The following SHOX variants were observed in gnomAD, a reference collection of about 807,000 sequenced individuals.
SHOX encodes short stature homeobox protein.
In SHOX, 12 loss-of-function variants were observed where a neutral mutation model predicts 29.6. The ratio of observed to expected loss-of-function variants is 0.41; its 90% CI spans 0.26 to 0.66. SHOX has a LOEUF of 0.66. Ranked by LOEUF, SHOX falls within the 30% of genes least tolerant of loss-of-function variation. The pLI, the probability that SHOX is intolerant of heterozygous loss-of-function variation, is 0.35. For synonymous variants in SHOX, 214 were observed against 200.6 expected, an observed-to-expected ratio of 1.07 and a Z score of -0.57; for missense variants, 499 against 437.7, an observed-to-expected ratio of 1.14 and a Z score of -1.25.
exon 1 of SHOX, chrX:624,425 C>G (rs1255398622): frequency 6.6e-6 from 1 of 151,294 alleles, no homozygotes; most frequent in Non-Finnish European, 1.5e-5. Flanking sequence ...CGTTTCCGCG[C>G]GTCTCTTTCT....
At chrX:631,901 C>T (rs751148940) in intron 1 of SHOX, 4 of 456,082 alleles carry the variant, frequency 8.8e-6, no homozygotes, top group South Asian at 4.6e-5. Context: ...GTCACCCAGA[C>T]GCACAGAGGA....
rs1466513335 is a variant in SHOX at position 624,922 on chromosome X, CTTTCTTTCT to C, written c.-433+332_-433+340del. The stretch of plus-strand genomic sequence containing the variant: ...TCTTTCTCTCTTCCTTTCTTTCTTT[CTTTCTTTCT>C]TTTCTTTCTTTCACTTGGCAAGATT... On this transcript the variant is annotated intron_variant, in intron 1 of 5. Transcript: ENST00000334060. Among the ~76,000 whole-genome samples the C allele has an allele frequency of 1.8e-3, 181 of 99,176 alleles. 3 individuals carry two copies. In the South Asian group the frequency reaches 0.026, roughly 14 times the overall value. 65.1% of individuals were successfully genotyped at this position (99,176 alleles called of 152,430 possible). A position where few individuals can be genotyped will look rare whatever the true frequency, so the allele number is the denominator to read the frequency against.
chrX:628,191 TTCTC>T (rs903031532), upstream of SHOX, among the ~76,000 whole-genome samples: 3 of 147,600 alleles, frequency 2.0e-5, no homozygotes, highest in Admixed American at 6.7e-5. Context: ...GTTTCTCTCT[TTCTC>T]TCTCCCTCTC....
Position 644,737 on chromosome X carries a change from C to T in SHOX, c.*101C>T. The T allele has an allele frequency of 7.6e-7, 1 of 1,323,588 alleles. No individual in the cohort carries two copies. The highest frequency in any genetic ancestry group is 9.6e-7 in the Non-Finnish European group (1 of 1,038,172). The allele number at this position is 1,323,588 out of a possible 1,614,324, so 82.0% of individuals were successfully genotyped here. Reference sequence around the variant, plus strand: ...ACCCCGCCTGGAGCTCCTTCCGCGGCCACCGTGCTCCGGGCACCCCGGGAG... The same window carrying T: ...ACCCCGCCTGGAGCTCCTTCCGCGGTCACCGTGCTCCGGGCACCCCGGGAG... On this transcript the variant is annotated 3_prime_UTR_variant, in exon 5 of 5. Transcript: ENST00000686671.
chrX:636,225 TA>T (rs1288250092), intron 2 of SHOX, among the ~76,000 whole-genome samples: 1 of 146,056 alleles, frequency 6.8e-6, no homozygotes, highest in African/African-American at 2.5e-5. Context: ...AACACATATA[TA>T]ATATATAAAT....
chrX:650,705 C>T lies in SHOX; in HGVS notation c.*6069C>T, dbSNP rs775893850. On this transcript the variant is annotated 3_prime_UTR_variant, in exon 5 of 5. Transcript: ENST00000686671. ...GCAGCCACTCCCACGACACACATTT[C>T]GGAGGCACTTTGCTGGAAGCCGCTT... Among the ~76,000 whole-genome samples, 7 of 145,844 alleles carry T rather than the reference C, an allele frequency of 4.8e-5. No homozygotes were observed. Among genetic ancestry groups the T allele is most frequent in the Admixed American group, 2.1e-4 (3 of 14,148 alleles).
chrX:649,909 TTC>T lies in SHOX; in HGVS notation c.*5281_*5282del, dbSNP rs1422991607. 10 of 455,958 alleles carry T rather than the reference TTC, an allele frequency of 2.2e-5. No individual in the cohort carries two copies. In the East Asian group the frequency reaches 4.9e-4, roughly 22 times the overall value. The allele number at this position is 455,958 out of a possible 1,614,324, so 28.2% of individuals were successfully genotyped here. On this transcript the variant is annotated 3_prime_UTR_variant, in exon 5 of 5. Transcript: ENST00000686671. ...AAATCTGTTTCTGACATATCCACTT[TTC>T]TCTCTCTTTTCTCTCTCTCTGACTG... is the stretch of plus-strand genomic sequence containing the variant.
Position 649,600 on chromosome X carries a change from T to A in SHOX, c.*4964T>A, listed in dbSNP as rs748332055. ...TCCTGCTTTCCCTGTGGCTTCCCGG[T>A]GAGCTCGCTCGCAGAGCAAGGAATA... On this transcript the variant is annotated 3_prime_UTR_variant, in exon 5 of 5. Transcript: ENST00000686671. Among the ~76,000 whole-genome samples the A allele has an allele frequency of 6.6e-6, 1 of 152,260 alleles. No homozygotes were observed. The highest frequency in any genetic ancestry group is 1.9e-4 in the East Asian group (1 of 5,172).
chrX:648,752 A>G lies in SHOX; in HGVS notation c.*4116A>G, dbSNP rs1348328983. ...TTGGGTGACTTTCTGTAGGTGGATG[A>G]GTGATCCCTGAATGAGTGTGGGGTA... On this transcript the variant is annotated 3_prime_UTR_variant, in exon 5 of 5. Transcript: ENST00000686671. Among the ~76,000 whole-genome samples, 2 of 151,934 alleles carry G rather than the reference A, an allele frequency of 1.3e-5. No individual in the cohort carries two copies. The highest frequency in any genetic ancestry group is 2.9e-5 in the Non-Finnish European group (2 of 67,978).
exon 1 of SHOX, chrX:624,585 G>A (rs1351944613): frequency 2.0e-5 from 3 of 152,112 alleles, no homozygotes; most frequent in Non-Finnish European, 2.9e-5. Flanking sequence ...CGCGCTCGGG[G>A]CCTGCGCTCA....
chrX:658,713 G>C (rs74517255), intron 5 of SHOX: 7 of 285,280 alleles, frequency 2.5e-5, no homozygotes, highest in Non-Finnish European at 3.6e-5. Flanking sequence ...CTCATGATCC[G>C]TCCGCCTCAG....
chrX:653,178 T>C (rs975156925), downstream of SHOX, among the ~76,000 whole-genome samples: 10 of 151,990 alleles, frequency 6.6e-5, no homozygotes, highest in African/African-American at 2.4e-4. Context: ...GAGGCGGAGG[T>C]TGCACTGAGC....
At chrX:652,991 A>G (rs2053089207), downstream of SHOX, among the ~76,000 whole-genome samples, 1 of 152,150 alleles carries the variant, frequency 6.6e-6, no homozygotes, top group Non-Finnish European at 1.5e-5. Flanking sequence ...CTGTCATCCC[A>G]GCACTTTGGG....
chrX:631,388 G>A (rs1043100277), intron 1 of SHOX, among the ~76,000 whole-genome samples: 39 of 152,334 alleles, frequency 2.6e-4, no homozygotes, highest in Middle Eastern at 3.4e-3. Context: ...GGTGCGGGGG[G>A]ACCCAGGGAG....
downstream of SHOX, among the ~76,000 whole-genome samples, chrX:655,646 A>AC (rs2053136905): frequency 9.3e-6 from 1 of 107,962 alleles, no homozygotes; most frequent in Non-Finnish European, 2.0e-5. Flanking sequence ...ATATATATAT[A>AC]TATATATATA....
chrX:624,875 TTTCTTTCTTTC>T (rs1215766030), intron 1 of SHOX, among the ~76,000 whole-genome samples: 1 of 37,994 alleles, frequency 2.6e-5, no homozygotes, highest in African/African-American at 1.6e-4. Context: ...TCTTTCTTTC[TTTCTTTCTTTC>T]TTTCTTTCTT....
chrX:634,940 G>A lies in SHOX; in HGVS notation c.486+114G>A, dbSNP rs907791677. ...GCCGCCGCCGTCCCCTTCCCGGAGC[G>A]CGGGGAGGTTGGGTGAGGGACGGGC... On this transcript the variant is annotated intron_variant, in intron 2 of 4. Coordinates refer to ENST00000686671, the MANE Select transcript of SHOX (RefSeq NM_000451.4). 53 of 1,175,274 alleles carry A rather than the reference G, an allele frequency of 4.5e-5. 2 individuals are homozygous for A. In the Admixed American group the frequency reaches 1.3e-3, roughly 29 times the overall value. The allele number at this position is 1,175,274 out of a possible 1,614,324, so 72.8% of individuals were successfully genotyped here.
At chrX:633,295 CAGTT>C (rs1172579443) in intron 1 of SHOX, among the ~76,000 whole-genome samples, 9 of 152,156 alleles carry the variant, frequency 5.9e-5, no homozygotes, top group African/African-American at 2.2e-4. Flanking sequence ...ACCAGTTTGT[CAGTT>C]GGGCTCAATT....
intron 4 of SHOX, among the ~76,000 whole-genome samples, chrX:642,717 G>A (rs1184216642): frequency 1.3e-5 from 2 of 152,178 alleles, no homozygotes; most frequent in Non-Finnish European, 2.9e-5. Flanking sequence ...TGGTGTCCCC[G>A]GGAAAAACTT....
Sources: allele counts gnomAD v4.1 joint callset (sites outside exome capture counted in the v4.1 genomes callset), GRCh38; gene constraint gnomAD v4.1.1; transcripts MANE v1.5; gene names NCBI Gene and HGNC (gene_info 2026-07-23, HGNC 2026-07-21).